COL27A1: variants seen among roughly 807,000 people sequenced by gnomAD.
The protein encoded by COL27A1 is collagen alpha-1(XXVII) chain.
COL27A1 carries 106 observed loss-of-function variants against 251.3 expected under a neutral mutation model. That is an observed-to-expected ratio of 0.42 (90% CI 0.36 to 0.50). The LOEUF (loss-of-function observed/expected upper bound fraction) is 0.50, where lower values mean the gene tolerates loss of function less well. Among genes scored for constraint, COL27A1 ranks in the 20% least tolerant of loss-of-function variants. The pLI is 0.00. For missense variants in COL27A1, 2,325 were observed against 2,522.8 expected, an observed-to-expected ratio of 0.92 and a Z score of 1.68; for synonymous variants, 1,000 against 986.3, an observed-to-expected ratio of 1.01 and a Z score of -0.26.
intron 57 of COL27A1, 163 bp from the exon 58 acceptor site, chr9:114,306,357 C>T (rs1050031796): frequency 7.8e-5 from 50 of 642,914 alleles, no homozygotes; most frequent in Admixed American, 1.8e-4. Flanking sequence ...GTCCCTGGCC[C>T]GTTTTCTTGT....
rs1466346261 is a variant in COL27A1, at chr9:114,306,989, C to G, written c.5107+301C>G. The G allele has an allele frequency of 8.7e-6, 3 of 345,254 alleles. No individual in the cohort carries two copies. In the Admixed American group the frequency reaches 1.3e-4, roughly 15 times the overall value. 21.4% of individuals were successfully genotyped at this position (345,254 alleles called of 1,614,324 possible). A position where few individuals can be genotyped will look rare whatever the true frequency, so the allele number is the denominator to read the frequency against. ...CTCCCGGGTGAGCCAGGATTTTCCCCCTTTCTGAGCATGAGGACTCTGCTC... is the reference window on the plus strand; with the variant it reads ...CTCCCGGGTGAGCCAGGATTTTCCCGCTTTCTGAGCATGAGGACTCTGCTC... On this transcript the variant is annotated intron_variant, in intron 58 of 60. Coordinates refer to ENST00000356083, the MANE Select transcript of COL27A1 (RefSeq NM_032888.4).
intron 27 of COL27A1, 87 bp from the exon 28 acceptor site, chr9:114,258,454 T>C (rs1009330287): frequency 1.4e-6 from 2 of 1,384,414 alleles, no homozygotes; most frequent in South Asian, 1.3e-5. Context: ...GCTGCAGGCC[T>C]TCAAGCTTTG....
intron 28 of COL27A1, among the ~76,000 whole-genome samples, chr9:114,259,834 T>C (rs139765950): frequency 6.6e-6 from 1 of 152,304 alleles, no homozygotes; most frequent in Non-Finnish European, 1.5e-5. Flanking sequence ...CCAAGCTCCA[T>C]ACGGGGGGAT....
intron 1 of COL27A1, among the ~76,000 whole-genome samples, chr9:114,161,415 C>T (rs981985623): frequency 8.5e-5 from 13 of 152,096 alleles, no homozygotes; most frequent in South Asian, 4.1e-4. Flanking sequence ...TCCATGCCTA[C>T]GTGAGCAAGC....
chr9:114,209,464 T>A, intron 10 of COL27A1: 1 of 775,566 alleles, frequency 1.3e-6, no homozygotes, highest in Non-Finnish European at 2.4e-6. Flanking sequence ...GCCTTTGGAC[T>A]ACATCGTGGA....
intron 1 of COL27A1, among the ~76,000 whole-genome samples, chr9:114,161,761 A>G (rs1848508213): frequency 6.6e-6 from 1 of 152,120 alleles, no homozygotes; most frequent in Non-Finnish European, 1.5e-5. Context: ...TTCGGGTGTC[A>G]CTGGTGGCTG....
intron 1 of COL27A1, among the ~76,000 whole-genome samples, chr9:114,160,748 G>A (rs1028118956): frequency 7.2e-5 from 11 of 152,124 alleles, no homozygotes; most frequent in Admixed American, 2.6e-4. Context: ...TCTAGACAGG[G>A]AAATAGGAGA....
chr9:114,178,044 A>G (rs1827606879), intron 3 of COL27A1, among the ~76,000 whole-genome samples: 1 of 152,184 alleles, frequency 6.6e-6, no homozygotes, highest in African/African-American at 2.4e-5. Context: ...GGTTTTCTGG[A>G]GAAGGTGACA....
intron 28 of COL27A1, among the ~76,000 whole-genome samples, chr9:114,261,477 G>A (rs746682904): frequency 1.3e-4 from 20 of 152,236 alleles, no homozygotes; most frequent in Non-Finnish European, 2.4e-4. Flanking sequence ...GTGTGCGGCT[G>A]TTCTCGCCCC....
At chr9:114,216,322 C>T (rs995545731) in intron 12 of COL27A1, among the ~76,000 whole-genome samples, 8 of 152,340 alleles carry the variant, frequency 5.3e-5, no homozygotes, top group South Asian at 2.1e-4. Context: ...GCCAGGAGCT[C>T]GGGCATGTGG....
At chr9:114,224,395 G>GT (rs1317553264) in intron 14 of COL27A1, among the ~76,000 whole-genome samples, 1 of 152,186 alleles carries the variant, frequency 6.6e-6, no homozygotes, top group African/African-American at 2.4e-5. Flanking sequence ...CTGTCCCTGA[G>GT]TGAGGCTGTT....
At chr9:114,289,500 A>G (rs1713529764) in intron 45 of COL27A1, among the ~76,000 whole-genome samples, 1 of 152,154 alleles carries the variant, frequency 6.6e-6, no homozygotes, top group African/African-American at 2.4e-5. Context: ...AATCAGCCCC[A>G]TTTCACTGGG....
chr9:114,271,972 T>C (rs1293326984), intron 36 of COL27A1: 1 of 152,040 alleles, frequency 6.6e-6, no homozygotes, highest in Non-Finnish European at 1.5e-5. Context: ...TCTGCCTGAC[T>C]CCTCTCCCCC....
intron 2 of COL27A1, among the ~76,000 whole-genome samples, chr9:114,163,626 C>G (rs547105408): frequency 5.3e-5 from 8 of 152,218 alleles, no homozygotes; most frequent in Admixed American, 1.3e-4. Context: ...GCCCTTCCCC[C>G]GCCTTCACGC....
intron 21 of COL27A1, 116 bp downstream of exon 21, chr9:114,240,603 C>G: frequency 1.1e-6 from 1 of 943,496 alleles, no homozygotes; most frequent in Non-Finnish European, 1.6e-6. Flanking sequence ...GCCAGGACAC[C>G]ACCCAGGGCT....
In COL27A1 at chr9:114,282,472, C is replaced by G. The variant is rs1337545728; in HGVS notation, c.3787C>G (p.Gln1263Glu). The G allele has an allele frequency of 6.2e-7, 1 of 1,600,178 alleles. No individual in the cohort carries two copies. Among genetic ancestry groups the G allele is most frequent in the South Asian group, 1.1e-5 (1 of 89,160 alleles). Reference protein sequence around the residue: ...RTGAKGAKGYQGQLGEMGVPG... With the variant: ...RTGAKGAKGYEGQLGEMGVPG... ...CCTGTTGCAGGGTGCCAAGGGCTAT[C>G]AAGGACAGCTGGGTGAGATGGGCGT... is the stretch of plus-strand genomic sequence containing the variant. Residue 1263 changes from glutamine to glutamate, a missense_variant, in exon 39 of 61, where the codon CAA (glutamine) becomes GAA (glutamate). This residue lies in a region of COL27A1 where 662 missense variants were observed against 795.3 expected (regional missense o/e 0.83). Transcript: ENST00000356083.
rs1002075460 is a variant in COL27A1, at chr9:114,258,626, C to A, written c.3195+32C>A. ...CGAGCCCAGCTCCTGGGGGCTGATG[C>A]TGGTGGGAGGGGGCACACTTGGAAC... On this transcript the variant is annotated intron_variant, in intron 28 of 60. Coordinates refer to ENST00000356083, the MANE Select transcript of COL27A1 (RefSeq NM_032888.4). 3.1e-6 allele frequency: 5 copies of A among 1,608,926 alleles called. No homozygotes were observed. In the South Asian group the frequency reaches 5.5e-5, roughly 18 times the overall value.
At chr9:114,182,671 G>T (rs1218418584) in intron 4 of COL27A1, among the ~76,000 whole-genome samples, 1 of 152,212 alleles carries the variant, frequency 6.6e-6, no homozygotes, top group East Asian at 1.9e-4. Context: ...AAGGACTTGT[G>T]CTCCGAGGTC....
intron 15 of COL27A1, 92 bp from the exon 16 acceptor site, chr9:114,231,730 C>A: frequency 1.6e-6 from 2 of 1,282,886 alleles, no homozygotes; most frequent in Non-Finnish European, 2.3e-6. Flanking sequence ...GGATCTAGCA[C>A]GGGGTCTTGC....
Sources: allele counts gnomAD v4.1 joint callset (sites outside exome capture counted in the v4.1 genomes callset), GRCh38; gene constraint gnomAD v4.1.1; regional missense constraint gnomAD v4.1.1; transcripts MANE v1.5; gene names NCBI Gene and HGNC (gene_info 2026-07-23, HGNC 2026-07-21).